The following AGMO variants were observed in gnomAD, a reference collection of about 807,000 sequenced individuals.
AGMO encodes the protein alkylglycerol monooxygenase.
A neutral mutation model predicts 60.2 loss-of-function variants in AGMO; 75 were observed. The observed-to-expected ratio is 1.25, with a 90% CI of 1.03 to 1.51. The LOEUF is 1.51. AGMO is among the 40% of genes most tolerant of loss of function. The probability of loss-of-function intolerance (pLI) is 0.00; values close to 1 mark genes in which losing one functional copy is unlikely to be tolerated. For synonymous variants in AGMO, 261 were observed against 177.1 expected (o/e 1.47, Z -3.76); for missense variants, 763 against 525.5 (o/e 1.45, Z -4.42).
the AGMO span, among the ~76,000 whole-genome samples, chr7:15,152,447 G>A: frequency 6.6e-6 from 1 of 152,080 alleles, no homozygotes; most frequent in African/African-American, 2.4e-5. Context: ...CACCCAAGCA[G>A]TGCACATTGT....
the AGMO span, among the ~76,000 whole-genome samples, chr7:15,170,623 T>C: frequency 6.6e-6 from 1 of 152,322 alleles, no homozygotes; most frequent in East Asian, 1.9e-4. Context: ...TATAGAGTAT[T>C]TCCATATACT....
intron 12 of AGMO, among the ~76,000 whole-genome samples, chr7:15,354,377 TATACAC>T (rs1430125868): frequency 1.7e-4 from 10 of 58,476 alleles, no homozygotes; most frequent in Non-Finnish European, 3.0e-4. Flanking sequence ...TAGACGTGTG[TATACAC>T]GTGTGTGTAT....
chr7:15,365,771 G>A (rs555438537), intron 11 of AGMO, 152 bp from the exon 12 acceptor site: 21 of 609,320 alleles, frequency 3.4e-5, no homozygotes, highest in Non-Finnish European at 5.8e-5. Flanking sequence ...TGAAAACAGT[G>A]ATTAAGAAAG....
chr7:15,368,238 GA>G lies in AGMO; in HGVS notation c.1075-2017del, dbSNP rs1265742844. On this transcript the variant is annotated intron_variant, in intron 10 of 12. Transcript: ENST00000342526. ...AGCAAGAGAGTGCTATTAATATTTT[GA>G]TATGTGAAGGTCGGCGATGTCCACT... is the stretch of plus-strand genomic sequence containing the variant. Among the ~76,000 whole-genome samples the G allele has an allele frequency of 2.0e-5, 3 of 148,508 alleles. No homozygotes were observed. The East Asian group carries it at 6.0e-4, about 30-fold the overall frequency.
chr7:15,480,047 T>G (rs1047602866), intron 3 of AGMO, among the ~76,000 whole-genome samples: 3 of 152,070 alleles, frequency 2.0e-5, no homozygotes, highest in African/African-American at 7.2e-5. Flanking sequence ...AACGAGAAGG[T>G]GAGACAGCGG....
At chr7:15,540,608 T>A (rs900531081) in intron 3 of AGMO, among the ~76,000 whole-genome samples, 3 of 152,092 alleles carry the variant, frequency 2.0e-5, no homozygotes, top group Admixed American at 6.6e-5. Flanking sequence ...CAAAGAAGAA[T>A]AGATTTGGAT....
chr7:15,523,520 A>G (rs1052721909), intron 3 of AGMO, among the ~76,000 whole-genome samples: 5 of 152,194 alleles, frequency 3.3e-5, no homozygotes, highest in African/African-American at 1.2e-4. Context: ...TAATGAGTTT[A>G]CATCCTTTAC....
At position 15,538,444 on chromosome 7, in the gene AGMO, G is replaced by A. The variant is rs1270855493; in HGVS notation, c.409+6328C>T. Reference sequence around the variant, plus strand: ...GACGAAGTCTCTCCATGTTGTCCAGGTTGGTCTTGAAACTCCTAGCCTCAA... The same window carrying A: ...GACGAAGTCTCTCCATGTTGTCCAGATTGGTCTTGAAACTCCTAGCCTCAA... On this transcript the variant is annotated intron_variant, in intron 3 of 12. Transcript: ENST00000342526. Among the ~76,000 whole-genome samples the A allele has an allele frequency of 5.9e-5, 9 of 152,160 alleles. No individual in the cohort carries two copies. In the South Asian group the frequency reaches 1.9e-3, roughly 32 times the overall value.
chr7:15,246,757 T>G (rs1782754738), intron 12 of AGMO, among the ~76,000 whole-genome samples: 1 of 152,112 alleles, frequency 6.6e-6, no homozygotes, highest in Admixed American at 6.5e-5. Context: ...AGGCCTAAGA[T>G]TCTCTCAACC....
chr7:15,415,800 A>G (rs762786510), intron 5 of AGMO, among the ~76,000 whole-genome samples: 16 of 152,172 alleles, frequency 1.1e-4, no homozygotes, highest in Non-Finnish European at 1.8e-4. Context: ...TTTAAGTTAA[A>G]AACATGTATT....
chr7:15,390,788 TGTAAA>T (rs150087571), intron 7 of AGMO, 38 bp from the exon 8 acceptor site: 67,253 of 1,589,824 alleles, frequency 0.042, 1,662 homozygotes, highest in Admixed American at 0.056. Context: ...TTTGGCTTCC[TGTAAA>T]GTAAAGGAGC....
intron 4 of AGMO, among the ~76,000 whole-genome samples, chr7:15,422,345 A>T (rs940864764): frequency 6.6e-6 from 1 of 152,056 alleles, no homozygotes; most frequent in Non-Finnish European, 1.5e-5. Context: ...TGAAAGGAAG[A>T]GGGAAAATGC....
chr7:15,303,908 C>T (rs760830796), intron 12 of AGMO, among the ~76,000 whole-genome samples: 1 of 152,094 alleles, frequency 6.6e-6, no homozygotes, highest in Non-Finnish European at 1.5e-5. Context: ...ATCTCTTAAA[C>T]TTTTATCGTT....
In AGMO at chr7:15,322,613, AATATATAAAT is replaced by A. The variant is rs1372669302; in HGVS notation, c.1263+42891_1263+42900del. Among the ~76,000 whole-genome samples, 58 of 29,404 alleles carry A rather than the reference AATATATAAAT, an allele frequency of 2.0e-3. 12 individuals carry two copies. The highest frequency in any genetic ancestry group is 5.5e-3 in the African/African-American group (27 of 4,884). The allele number at this position is 29,404 out of a possible 152,430, so 19.3% of individuals were successfully genotyped here. ...ATATAAATATATATAAATATATATAAATATATAAATATATATAAATATATATAAATATATA... is the reference window on the plus strand; with the variant it reads ...ATATAAATATATATAAATATATATAAATATATAAATATATATAAATATATA... On this transcript the variant is annotated intron_variant, in intron 12 of 12. Transcript: ENST00000342526.
intron 12 of AGMO, among the ~76,000 whole-genome samples, chr7:15,268,156 G>A (rs1022508719): frequency 4.6e-5 from 7 of 151,908 alleles, no homozygotes; most frequent in African/African-American, 1.7e-4. Context: ...CTGATTGCCT[G>A]TTATTAATAT....
At chr7:15,291,528 C>T (rs1784264290) in intron 12 of AGMO, among the ~76,000 whole-genome samples, 1 of 152,058 alleles carries the variant, frequency 6.6e-6, no homozygotes, top group South Asian at 2.1e-4. Flanking sequence ...GAAAGAAACT[C>T]TTTAGAACCC....
intron 4 of AGMO, among the ~76,000 whole-genome samples, chr7:15,421,203 A>G (rs1176281525): frequency 6.6e-6 from 1 of 152,086 alleles, no homozygotes; most frequent in Non-Finnish European, 1.5e-5. Flanking sequence ...ACCTCAGGGA[A>G]TCCATGAATC....
chr7:15,254,671 A>G (rs1370688943), intron 12 of AGMO, among the ~76,000 whole-genome samples: 1 of 152,162 alleles, frequency 6.6e-6, no homozygotes, highest in Non-Finnish European at 1.5e-5. Flanking sequence ...AATAACCAAA[A>G]TACGAAAGAT....
At chr7:15,301,021 A>G (rs1480099410) in intron 12 of AGMO, among the ~76,000 whole-genome samples, 1 of 152,214 alleles carries the variant, frequency 6.6e-6, no homozygotes. Flanking sequence ...GGAGAACATA[A>G]GAAAACACCT....
Sources: gnomAD v4.1 joint callset for allele counts (sites outside exome capture counted in the v4.1 genomes callset) on GRCh38, gnomAD v4.1.1 for gene constraint, MANE v1.5 for transcripts, NCBI Gene and HGNC (gene_info 2026-07-23, HGNC 2026-07-21) for gene names.